LGSN: variants seen among roughly 807,000 people sequenced by gnomAD.
The protein encoded by LGSN is lengsin.
A neutral mutation model predicts 19.5 loss-of-function variants in LGSN; 21 were observed. The observed-to-expected ratio is 1.07, with a 90% CI of 0.76 to 1.55. The LOEUF is 1.55. Ranked by LOEUF, LGSN falls within the 40% of genes most tolerant of loss-of-function variation. LGSN has a pLI of 0.00. For synonymous variants in LGSN, 257 were observed against 215.6 expected, an observed-to-expected ratio of 1.19 and a Z score of -1.68; for missense variants, 673 against 608.5, an observed-to-expected ratio of 1.11 and a Z score of -1.12.
the LGSN span, among the ~76,000 whole-genome samples, chr6:63,451,930 T>TC: frequency 3.3e-5 from 5 of 152,238 alleles, no homozygotes; most frequent in Middle Eastern, 6.8e-3. Flanking sequence ...ATCTATTACT[T>TC]TTTATATATC....
At chr6:63,403,807 C>T in the LGSN span, among the ~76,000 whole-genome samples, 7 of 152,206 alleles carry the variant, frequency 4.6e-5, no homozygotes, top group South Asian at 2.1e-4. Flanking sequence ...TCCTGGTGTT[C>T]GTGACTTTGT....
At chr6:63,376,376 T>C in the LGSN span, among the ~76,000 whole-genome samples, 8 of 152,314 alleles carry the variant, frequency 5.3e-5, no homozygotes, top group Middle Eastern at 6.8e-3. Context: ...ATCAAAATTA[T>C]ACCCTTTCCT....
chr6:63,410,246 G>C, the LGSN span, among the ~76,000 whole-genome samples: 1 of 152,210 alleles, frequency 6.6e-6, no homozygotes, highest in African/African-American at 2.4e-5. Flanking sequence ...GTGGCTATAA[G>C]TCTTGTTTCC....
chr6:63,376,786 G>A, the LGSN span, among the ~76,000 whole-genome samples: 45 of 152,286 alleles, frequency 3.0e-4, no homozygotes, highest in East Asian at 8.7e-3. Flanking sequence ...CAGTTTGCTA[G>A]CTAAAACAAG....
At chr6:63,327,364 C>T in the LGSN span, among the ~76,000 whole-genome samples, 1 of 152,162 alleles carries the variant, frequency 6.6e-6, no homozygotes, top group Admixed American at 6.5e-5. Context: ...CCATGTTGCC[C>T]AACTCCAGAG....
At chr6:63,370,103 G>A in the LGSN span, among the ~76,000 whole-genome samples, 1 of 152,164 alleles carries the variant, frequency 6.6e-6, no homozygotes, top group African/African-American at 2.4e-5. Context: ...ACAGACATTA[G>A]AATTTTGATA....
chr6:63,369,272 A>T, the LGSN span, among the ~76,000 whole-genome samples: 2 of 152,226 alleles, frequency 1.3e-5, no homozygotes, highest in Non-Finnish European at 1.5e-5. Flanking sequence ...ATGACTAATA[A>T]ATATACCAGG....
chr6:63,471,432 G>A, the LGSN span, among the ~76,000 whole-genome samples: 11 of 151,850 alleles, frequency 7.2e-5, no homozygotes, highest in Non-Finnish European at 1.5e-4. Context: ...TTGGGAGGCC[G>A]AGATGGGTGG....
At chr6:63,288,234 TAAATAAATA>T (rs1767620358) in intron 2 of LGSN, among the ~76,000 whole-genome samples, 1 of 116,110 alleles carries the variant, frequency 8.6e-6, no homozygotes, top group Non-Finnish European at 1.9e-5. Context: ...CTCAAAAAAA[TAAATAAATA>T]AATAAATAAA....
the LGSN span, among the ~76,000 whole-genome samples, chr6:63,554,081 A>T: frequency 6.6e-6 from 1 of 152,210 alleles, no homozygotes; most frequent in Non-Finnish European, 1.5e-5. Context: ...ATTTAAATTT[A>T]AAAACATTCA....
chr6:63,492,419 C>A, the LGSN span, among the ~76,000 whole-genome samples: 1 of 152,180 alleles, frequency 6.6e-6, no homozygotes, highest in Non-Finnish European at 1.5e-5. Flanking sequence ...TATGCTAATT[C>A]CTTTGAAAAC....
chr6:63,291,489 C>T (rs2127386497), intron 2 of LGSN, among the ~76,000 whole-genome samples: 1 of 152,256 alleles, frequency 6.6e-6, no homozygotes, highest in Non-Finnish European at 1.5e-5. Flanking sequence ...CGGATCTCCT[C>T]TCCGACCGTC....
chr6:63,284,431 C>T (rs1562005272), intron 3 of LGSN, among the ~76,000 whole-genome samples: 1 of 152,018 alleles, frequency 6.6e-6, no homozygotes, highest in Non-Finnish European at 1.5e-5. Context: ...TCAATTATAT[C>T]AATCCTTAGC....
the LGSN span, among the ~76,000 whole-genome samples, chr6:63,497,412 G>T: frequency 6.6e-6 from 1 of 152,024 alleles, no homozygotes; most frequent in African/African-American, 2.4e-5. Flanking sequence ...AGCCAGGCTG[G>T]GTGGCAGGCA....
intron 1 of LGSN, among the ~76,000 whole-genome samples, chr6:63,317,546 T>C (rs1031601942): frequency 2.0e-5 from 3 of 152,130 alleles, no homozygotes; most frequent in Admixed American, 6.5e-5. Context: ...AAATGAACTA[T>C]AAACCTTGAA....
intron 2 of LGSN, among the ~76,000 whole-genome samples, chr6:63,294,552 A>G (rs571488472): frequency 1.3e-5 from 2 of 152,070 alleles, no homozygotes; most frequent in South Asian, 2.1e-4. Context: ...GTGTTATGAA[A>G]ACACCTTCCA....
chr6:63,358,262 A>G, the LGSN span, among the ~76,000 whole-genome samples: 633 of 152,366 alleles, frequency 4.2e-3, 3 homozygotes, highest in Non-Finnish European at 5.5e-3. Flanking sequence ...GAAGTCAGGT[A>G]GCATGATGCC....
the LGSN span, among the ~76,000 whole-genome samples, chr6:63,380,438 G>A: frequency 6.6e-6 from 1 of 152,162 alleles, no homozygotes; most frequent in Non-Finnish European, 1.5e-5. Flanking sequence ...CCTCCCTAGG[G>A]CACAGACCTA....
the LGSN span, among the ~76,000 whole-genome samples, chr6:63,553,545 T>C: frequency 1.4e-3 from 219 of 152,366 alleles, no homozygotes; most frequent in Non-Finnish European, 2.3e-3. Flanking sequence ...TATTTTAGTG[T>C]CTCAGTGTAG....
Sources: gnomAD v4.1 joint callset for allele counts (sites outside exome capture counted in the v4.1 genomes callset) on GRCh38, gnomAD v4.1.1 for gene constraint, MANE v1.5 for transcripts, NCBI Gene and HGNC (gene_info 2026-07-23, HGNC 2026-07-21) for gene names.